The following FNDC3B variants were observed in gnomAD, a reference collection of about 807,000 sequenced individuals.
The protein encoded by FNDC3B is fibronectin type III domain containing 3B.
A neutral mutation model predicts 151.5 loss-of-function variants in FNDC3B; 12 were observed. The observed-to-expected ratio is 0.08, with a 90% CI of 0.05 to 0.13. FNDC3B has a LOEUF of 0.13. FNDC3B is among the 10% of genes least tolerant of loss of function. The pLI, the probability that FNDC3B is intolerant of heterozygous loss-of-function variation, is 1.00. For missense variants in FNDC3B, 1,214 were observed against 1,505.3 expected, an observed-to-expected ratio of 0.81 and a Z score of 3.20; for synonymous variants, 528 against 549.0, an observed-to-expected ratio of 0.96 and a Z score of 0.54.
intron 22 of FNDC3B, among the ~76,000 whole-genome samples, chr3:172,356,874 T>G (rs1479131430): frequency 6.6e-6 from 1 of 152,162 alleles, no homozygotes; most frequent in African/African-American, 2.4e-5. Flanking sequence ...GCCCTTTACC[T>G]GCGGGCCCTC....
At chr3:172,080,670 C>G (rs537700538) in intron 1 of FNDC3B, among the ~76,000 whole-genome samples, 20 of 152,236 alleles carry the variant, frequency 1.3e-4, no homozygotes, top group African/African-American at 4.8e-4. Context: ...AGGCTCAGAG[C>G]TCACCTGTAA....
intron 6 of FNDC3B, among the ~76,000 whole-genome samples, chr3:172,271,316 G>C (rs1729188763): frequency 6.6e-6 from 1 of 152,044 alleles, no homozygotes; most frequent in African/African-American, 2.4e-5. Flanking sequence ...TTAAAACAAG[G>C]TTTTAATATA....
chr3:172,378,536 C>T (rs1735274744), intron 24 of FNDC3B, 100 bp downstream of exon 24: 1 of 1,062,328 alleles, frequency 9.4e-7, no homozygotes, highest in African/African-American at 1.6e-5. Flanking sequence ...ATAATGTCAG[C>T]AAGATAGAAT....
chr3:172,339,165 A>AT (rs1317528846), intron 16 of FNDC3B, among the ~76,000 whole-genome samples: 2 of 152,140 alleles, frequency 1.3e-5, no homozygotes, highest in Admixed American at 6.5e-5. Context: ...ACCACCTGGA[A>AT]TTTTTTTAAG....
intron 22 of FNDC3B, among the ~76,000 whole-genome samples, chr3:172,356,768 C>G (rs1037767347): frequency 3.3e-5 from 5 of 151,992 alleles, no homozygotes; most frequent in African/African-American, 9.7e-5. Context: ...GATGATTATT[C>G]TCTTCTTTCA....
chr3:172,198,951 C>T (rs952604553), intron 3 of FNDC3B, among the ~76,000 whole-genome samples: 14 of 152,004 alleles, frequency 9.2e-5, no homozygotes, highest in Admixed American at 2.0e-4. Flanking sequence ...CTCAGCCTCC[C>T]GAGTAGCTGG....
intron 22 of FNDC3B, among the ~76,000 whole-genome samples, chr3:172,353,760 C>T (rs532737054): frequency 6.6e-6 from 1 of 152,078 alleles, no homozygotes; most frequent in African/African-American, 2.4e-5. Flanking sequence ...ACCTCAAGAC[C>T]CTATTTAAAA....
Position 172,318,212 on chromosome 3 carries a change from TA to T in FNDC3B, c.1254+7335del, listed in dbSNP as rs200326859. On this transcript the variant is annotated intron_variant, in intron 11 of 25. Transcript: ENST00000415807. ...CCACAGAAATCAGGGGAAGCATAAT[TA>T]AAAGTTGAGAGAGGAGAAAAGGCCA... Among the ~76,000 whole-genome samples, 1,150 of 152,264 alleles carry T rather than the reference TA, an allele frequency of 7.6e-3. 18 individuals carry two copies. The highest frequency in any genetic ancestry group is 0.026 in the African/African-American group (1,091 of 41,550).
intron 3 of FNDC3B, among the ~76,000 whole-genome samples, chr3:172,192,291 G>A (rs1042058756): frequency 2.6e-5 from 4 of 151,286 alleles, no homozygotes; most frequent in African/African-American, 7.3e-5. Context: ...TCCTGCCTCA[G>A]CCTCCTGAGT....
At chr3:172,235,425 G>C (rs1727101418) in intron 4 of FNDC3B, among the ~76,000 whole-genome samples, 1 of 152,110 alleles carries the variant, frequency 6.6e-6, no homozygotes, top group Non-Finnish European at 1.5e-5. Context: ...TATTTTGGGG[G>C]GATTAGGGTC....
intron 19 of FNDC3B, among the ~76,000 whole-genome samples, chr3:172,344,718 G>C (rs1056503751): frequency 2.6e-5 from 4 of 152,156 alleles, no homozygotes; most frequent in African/African-American, 4.8e-5. Flanking sequence ...TTTGTTTCAC[G>C]TGAAAACTAC....
intron 18 of FNDC3B, 36 bp from the exon 19 acceptor site, chr3:172,344,050 A>G (rs1401560609): frequency 1.3e-6 from 2 of 1,572,188 alleles, no homozygotes; most frequent in Non-Finnish European, 8.7e-7. Flanking sequence ...TGGAAGCACA[A>G]AGTGTTCTAA....
At chr3:172,063,419 G>C (rs1313076435) in intron 1 of FNDC3B, among the ~76,000 whole-genome samples, 2 of 152,158 alleles carry the variant, frequency 1.3e-5, no homozygotes, top group African/African-American at 2.4e-5. Context: ...TAAACTCTTT[G>C]AGAAGGATAA....
chr3:172,290,287 G>T (rs1197417517), intron 7 of FNDC3B, among the ~76,000 whole-genome samples: 1 of 152,190 alleles, frequency 6.6e-6, no homozygotes, highest in Non-Finnish European at 1.5e-5. Flanking sequence ...CAGAGACCCA[G>T]CTACTGCAAA....
At chr3:172,259,964 A>G (rs1404569209) in intron 6 of FNDC3B, among the ~76,000 whole-genome samples, 2 of 152,348 alleles carry the variant, frequency 1.3e-5, no homozygotes, top group African/African-American at 4.8e-5. Context: ...TTCTTTTGAA[A>G]TGAATGTTCA....
At chr3:172,311,609 G>T (rs1177022283) in intron 11 of FNDC3B, among the ~76,000 whole-genome samples, 1 of 151,652 alleles carries the variant, frequency 6.6e-6, no homozygotes, top group East Asian at 1.9e-4. Context: ...ACTCACGCCT[G>T]TAATCCCAGC....
intron 3 of FNDC3B, among the ~76,000 whole-genome samples, chr3:172,223,185 A>C (rs1012377215): frequency 6.6e-6 from 1 of 152,232 alleles, no homozygotes; most frequent in Non-Finnish European, 1.5e-5. Context: ...CAGAGATAGT[A>C]AACTCACAGA....
intron 2 of FNDC3B, 85 bp downstream of exon 2, chr3:172,112,675 G>T (rs2108540653): frequency 1.0e-6 from 1 of 960,424 alleles, no homozygotes; most frequent in East Asian, 2.4e-5. Flanking sequence ...GGGATTCAAA[G>T]GTTTGTGATT....
chr3:172,107,551 T>C lies in FNDC3B; in HGVS notation c.-28-4901T>C, dbSNP rs150841772. Reference sequence around the variant, plus strand: ...TAGATTTGGCCAGCTCAGATACACATCTGTCTAGGAAAGAAGGAACCCAGA... The same window carrying C: ...TAGATTTGGCCAGCTCAGATACACACCTGTCTAGGAAAGAAGGAACCCAGA... On this transcript the variant is annotated intron_variant, in intron 1 of 25. Coordinates refer to ENST00000415807, the MANE Select transcript of FNDC3B (RefSeq NM_022763.4). Among the ~76,000 whole-genome samples, 224 of 152,296 alleles carry C rather than the reference T, an allele frequency of 1.5e-3. 1 individual carries two copies. The highest frequency in any genetic ancestry group is 5.2e-3 in the African/African-American group (217 of 41,558).
Sources: gnomAD v4.1 joint callset for allele counts (sites outside exome capture counted in the v4.1 genomes callset) on GRCh38, gnomAD v4.1.1 for gene constraint, MANE v1.5 for transcripts, NCBI Gene and HGNC (gene_info 2026-07-23, HGNC 2026-07-21) for gene names.